Variants in HMGCLL1 observed in about 807,000 individuals in gnomAD.
HMGCLL1 encodes the protein 3-hydroxy-3-methylglutaryl-CoA lyase like 1.
In HMGCLL1, 36 loss-of-function variants were observed where a neutral mutation model predicts 39.1. That is an observed-to-expected ratio of 0.92 (90% CI 0.71 to 1.22). The LOEUF is 1.22. Among genes scored for constraint, HMGCLL1 ranks in the 50% most tolerant of loss-of-function variants. The pLI is 0.00. For missense variants in HMGCLL1, 451 were observed against 416.5 expected, an observed-to-expected ratio of 1.08 and a Z score of -0.72; for synonymous variants, 149 against 144.0, an observed-to-expected ratio of 1.03 and a Z score of -0.25.
chr6:55,447,611 T>C (rs1347354654), intron 7 of HMGCLL1, among the ~76,000 whole-genome samples: 9 of 152,064 alleles, frequency 5.9e-5, no homozygotes, highest in Non-Finnish European at 1.3e-4. Context: ...AAGAAAATTT[T>C]CAATTTCTTT....
At chr6:55,446,696 C>G (rs1758981880) in intron 7 of HMGCLL1, among the ~76,000 whole-genome samples, 1 of 151,912 alleles carries the variant, frequency 6.6e-6, no homozygotes, top group Non-Finnish European at 1.5e-5. Flanking sequence ...ACCATCACAA[C>G]TTTTTCTTGT....
the HMGCLL1 span, among the ~76,000 whole-genome samples, chr6:55,594,799 AG>A: frequency 6.6e-6 from 1 of 152,152 alleles, no homozygotes; most frequent in Non-Finnish European, 1.5e-5. Context: ...AGATGCTTGA[AG>A]GTGTCAGGAC....
chr6:55,506,623 C>A (rs767892168), intron 5 of HMGCLL1, among the ~76,000 whole-genome samples: 7 of 151,628 alleles, frequency 4.6e-5, no homozygotes, highest in Non-Finnish European at 8.9e-5. Context: ...CTTTGACCAG[C>A]ATATCCATGC....
chr6:55,450,847 T>G (rs972314677), intron 7 of HMGCLL1, among the ~76,000 whole-genome samples: 1 of 152,064 alleles, frequency 6.6e-6, no homozygotes, highest in Non-Finnish European at 1.5e-5. Context: ...AAACTGTCCT[T>G]TGAGTTAGGG....
At chr6:55,564,802 G>T (rs988736107) in intron 1 of HMGCLL1, among the ~76,000 whole-genome samples, 3 of 150,798 alleles carry the variant, frequency 2.0e-5, no homozygotes, top group Non-Finnish European at 2.9e-5. Flanking sequence ...TGGTGGTGTG[G>T]CATGTACAGA....
At chr6:55,524,671 C>G (rs1345861920) in intron 3 of HMGCLL1, among the ~76,000 whole-genome samples, 1 of 151,816 alleles carries the variant, frequency 6.6e-6, no homozygotes, top group African/African-American at 2.4e-5. Context: ...GTAAATGACT[C>G]TCAAACTGAA....
At chr6:55,645,960 T>C in the HMGCLL1 span, among the ~76,000 whole-genome samples, 1 of 152,014 alleles carries the variant, frequency 6.6e-6, no homozygotes, top group South Asian at 2.1e-4. Context: ...ATAATTTGAG[T>C]ACAATTGGCA....
At chr6:55,644,468 T>G in the HMGCLL1 span, among the ~76,000 whole-genome samples, 2,159 of 152,170 alleles carry the variant, frequency 0.014, 44 homozygotes, top group African/African-American at 0.049. Flanking sequence ...AAGAAATTTT[T>G]GCTCAGACTA....
chr6:55,627,961 AAT>A, the HMGCLL1 span, among the ~76,000 whole-genome samples: 178 of 848 alleles, frequency 0.21, 55 homozygotes, highest in African/African-American at 0.24. Flanking sequence ...CTATATATAT[AAT>A]ATATATATAG....
At chr6:55,572,649 T>C (rs1443367372) in intron 1 of HMGCLL1, among the ~76,000 whole-genome samples, 4 of 152,172 alleles carry the variant, frequency 2.6e-5, no homozygotes, top group Non-Finnish European at 5.9e-5. Flanking sequence ...TATGCTACTA[T>C]ACATATATAA....
intron 1 of HMGCLL1, among the ~76,000 whole-genome samples, chr6:55,555,766 T>C (rs182690370): frequency 6.6e-6 from 1 of 152,326 alleles, no homozygotes; most frequent in African/African-American, 2.4e-5. Context: ...ATTTGCATAT[T>C]AGTTATTCAA....
At chr6:55,587,229 G>T in the HMGCLL1 span, among the ~76,000 whole-genome samples, 2 of 151,992 alleles carry the variant, frequency 1.3e-5, no homozygotes, top group Admixed American at 6.6e-5. Flanking sequence ...TCTCCCACTT[G>T]TTGATGGGGT....
the HMGCLL1 span, among the ~76,000 whole-genome samples, chr6:55,650,681 T>A: frequency 6.6e-6 from 1 of 152,010 alleles, no homozygotes; most frequent in African/African-American, 2.4e-5. Flanking sequence ...AAGCCAAGGA[T>A]TAGAGAAAAC....
the HMGCLL1 span, among the ~76,000 whole-genome samples, chr6:55,627,049 GAAAA>G: frequency 6.4e-4 from 55 of 85,810 alleles, no homozygotes; most frequent in African/African-American, 4.6e-4. Flanking sequence ...CACTCCACCA[GAAAA>G]AAAAAAAAAA....
chr6:55,440,159 C>T (rs1581781684), intron 7 of HMGCLL1, among the ~76,000 whole-genome samples: 2 of 152,122 alleles, frequency 1.3e-5, no homozygotes, highest in Admixed American at 1.3e-4. Flanking sequence ...TTGCCACCAG[C>T]AGTAACGCCA....
chr6:55,539,897 A>AGAAG (rs1769256494), intron 3 of HMGCLL1, among the ~76,000 whole-genome samples: 1 of 143,102 alleles, frequency 7.0e-6, no homozygotes, highest in Non-Finnish European at 1.5e-5. Context: ...AAAGAAAGAA[A>AGAAG]GAAAGAAAGA....
At chr6:55,468,620 A>C (rs1764893118) in intron 7 of HMGCLL1, among the ~76,000 whole-genome samples, 1 of 152,000 alleles carries the variant, frequency 6.6e-6, no homozygotes, top group Non-Finnish European at 1.5e-5. Flanking sequence ...ATGTGCCTAC[A>C]TTCATTTAAT....
At chr6:55,638,272 T>C in the HMGCLL1 span, among the ~76,000 whole-genome samples, 1 of 151,798 alleles carries the variant, frequency 6.6e-6, no homozygotes, top group African/African-American at 2.4e-5. Flanking sequence ...CTGGGTGTGG[T>C]GGCGGGCGCT....
chr6:55,463,563 G>A (rs1202033804), intron 7 of HMGCLL1, among the ~76,000 whole-genome samples: 1 of 152,080 alleles, frequency 6.6e-6, no homozygotes, highest in Non-Finnish European at 1.5e-5. Context: ...GAAATAAATT[G>A]TAATACAACT....
Sources: gnomAD v4.1 joint callset for allele counts (sites outside exome capture counted in the v4.1 genomes callset) on GRCh38, gnomAD v4.1.1 for gene constraint, MANE v1.5 for transcripts, NCBI Gene and HGNC (gene_info 2026-07-23, HGNC 2026-07-21) for gene names.